Variants in CECR2 observed in about 807,000 individuals in gnomAD.
The protein encoded by CECR2 is chromatin remodeling regulator CECR2.
In CECR2, 30 loss-of-function variants were observed where a neutral mutation model predicts 154.5. The ratio of observed to expected loss-of-function variants is 0.19; its 90% CI spans 0.15 to 0.26. CECR2 has a LOEUF of 0.26. Among genes scored for constraint, CECR2 ranks in the 10% least tolerant of loss-of-function variants. The pLI, the probability that CECR2 is intolerant of heterozygous loss-of-function variation, is 1.00. For missense variants in CECR2, 1,743 were observed against 1,829.3 expected (o/e 0.95, Z 0.86); for synonymous variants, 725 against 683.7 (o/e 1.06, Z -0.94).
chr22:17,372,350 G>A lies in CECR2; in HGVS notation c.126+2441G>A, dbSNP rs73391759. ...AGAATTTTATTGGGAATGATTATAT[G>A]TGAGATTTAAAAATTAAGATTTAAG... On this transcript the variant is annotated intron_variant, in intron 1 of 18. Transcript: ENST00000262608. 3.6e-3 allele frequency among the ~76,000 whole-genome samples: 554 copies of A among 152,248 alleles called. 4 individuals carry two copies. Among genetic ancestry groups the A allele is most frequent in the African/African-American group, 0.013 (527 of 41,530 alleles).
rs372166419 is a variant in CECR2, at chr22:17,511,828, C to G, written c.886C>G (p.Arg296Gly). The change falls in exon 8 of 19, where the codon CGC becomes GGC. Residue 296 changes from arginine (R) to glycine (G), a missense_variant. Transcript: ENST00000262608. Reference protein sequence around the residue: ...MIAQKGKRPQRTKAELHPRWM... With the variant: ...MIAQKGKRPQGTKAELHPRWM... ...CTAACTATAGGGAAAACGTCCACAG[C>G]GCACAAAGGCAGAGTTGCATCCTAG... 1 of 1,612,288 alleles carries G rather than the reference C, an allele frequency of 6.2e-7. No individual in the cohort carries two copies. Among genetic ancestry groups the G allele is most frequent in the South Asian group, 1.1e-5 (1 of 90,726 alleles).
At chr22:17,369,326 C>G (rs1969882006), upstream of CECR2, 1 of 151,480 alleles carries the variant, frequency 6.6e-6, no homozygotes, top group East Asian at 2.0e-4. Flanking sequence ...CCCTCCCCCT[C>G]CCTGGCGGTG....
chr22:17,457,488 A>G (rs540164530), intron 1 of CECR2, among the ~76,000 whole-genome samples: 2 of 152,192 alleles, frequency 1.3e-5, no homozygotes, highest in African/African-American at 2.4e-5. Context: ...TTTTTGAGCT[A>G]TAGCCTATTT....
intron 1 of CECR2, among the ~76,000 whole-genome samples, chr22:17,371,631 G>T (rs1195775949): frequency 2.0e-5 from 3 of 152,160 alleles, no homozygotes; most frequent in Non-Finnish European, 4.4e-5. Context: ...AGTCAAAATG[G>T]TGGCTGTGGT....
At chr22:17,409,656 T>G (rs2054037246) in intron 1 of CECR2, among the ~76,000 whole-genome samples, 1 of 112,470 alleles carries the variant, frequency 8.9e-6, no homozygotes, top group Non-Finnish European at 2.1e-5. Flanking sequence ...CCCAACCCAG[T>G]CAATCTCTGT....
intron 8 of CECR2, among the ~76,000 whole-genome samples, chr22:17,523,013 A>AGGGG (rs2056185375): frequency 0.012 from 1,439 of 118,032 alleles, 24 homozygotes; most frequent in African/African-American, 0.034. Context: ...TCGGGGGGAA[A>AGGGG]AAAAAAAGCC....
chr22:17,387,711 A>G (rs867168944), intron 1 of CECR2, among the ~76,000 whole-genome samples: 10 of 152,186 alleles, frequency 6.6e-5, no homozygotes, highest in South Asian at 2.1e-4. Flanking sequence ...ACAGTGTTAT[A>G]TAACAGAATG....
intron 1 of CECR2, chr22:17,419,707 G>GGCTGTTTCCT (rs2146597029): frequency 1.6e-5 from 3 of 188,000 alleles, no homozygotes; most frequent in Non-Finnish European, 1.0e-5. Flanking sequence ...GCGAGCTGGA[G>GGCTGTTTCCT]CTAGAGAGCT....
intron 15 of CECR2, 52 bp from the exon 16 acceptor site, chr22:17,542,105 A>C: frequency 6.3e-7 from 1 of 1,582,354 alleles, no homozygotes; most frequent in South Asian, 1.1e-5. Flanking sequence ...CATGGCACAA[A>C]GTGTGCCTTA....
intron 1 of CECR2, among the ~76,000 whole-genome samples, chr22:17,421,866 A>G (rs1436465224): frequency 3.5e-5 from 5 of 140,880 alleles, no homozygotes; most frequent in Non-Finnish European, 7.5e-5. Flanking sequence ...AAAAAACAAA[A>G]AAAACTTTTT....
At position 17,524,442 on chromosome 22, in the gene CECR2, G is replaced by A. The variant is rs1221139471; in HGVS notation, c.1108+171G>A. 5 of 713,754 alleles carry A rather than the reference G, an allele frequency of 7.0e-6. No homozygotes were observed. The Admixed American group carries it at 1.3e-4, about 19-fold the overall frequency. The allele number at this position is 713,754 out of a possible 1,614,324, so 44.2% of individuals were successfully genotyped here. ...GAGTCTCGCTGTGTCGCCCAGGCTG[G>A]AGTGCAGTGGCGTGATCTCAGCTCA... On this transcript the variant is annotated intron_variant, in intron 9 of 18. Transcript: ENST00000262608.
Position 17,457,309 on chromosome 22 carries a change from G to C in CECR2, c.127-20279G>C, listed in dbSNP as rs141310063. On this transcript the variant is annotated intron_variant, in intron 1 of 18. Transcript: ENST00000262608. ...CCCAAAGTACTGGGATTACAGGCGTGAGCCACTGCGCCTGGCCTATATTTA... is the reference window on the plus strand; with the variant it reads ...CCCAAAGTACTGGGATTACAGGCGTCAGCCACTGCGCCTGGCCTATATTTA... 3.4e-3 allele frequency among the ~76,000 whole-genome samples: 524 copies of C among 152,310 alleles called. 4 individuals are homozygous for C. The highest frequency in any genetic ancestry group is 0.012 in the African/African-American group (499 of 41,558).
At chr22:17,475,347 G>T (rs1318224330) in intron 1 of CECR2, among the ~76,000 whole-genome samples, 1 of 152,116 alleles carries the variant, frequency 6.6e-6, no homozygotes, top group Non-Finnish European at 1.5e-5. Flanking sequence ...TTGGTTTTGG[G>T]AAGAACACTG....
chr22:17,512,811 C>CCA (rs2055983345), intron 8 of CECR2, among the ~76,000 whole-genome samples: 1 of 151,790 alleles, frequency 6.6e-6, no homozygotes, highest in South Asian at 2.1e-4. Context: ...TGAAAAGGGT[C>CCA]CAGGAATGAG....
intron 2 of CECR2, among the ~76,000 whole-genome samples, chr22:17,492,563 C>T (rs1165159145): frequency 6.6e-6 from 1 of 152,122 alleles, no homozygotes; most frequent in Non-Finnish European, 1.5e-5. Flanking sequence ...CTTATTTTCA[C>T]TCTTTCTTGC....
rs73375094 is a variant in CECR2 at position 17,435,164 on chromosome 22, G to T, written c.127-42424G>T. On this transcript the variant is annotated intron_variant, in intron 1 of 18. Coordinates refer to ENST00000262608, the MANE Select transcript of CECR2 (RefSeq NM_001290047.2). ...TTTTTCAAGCAAAGGGAGATACCCA[G>T]ATTTTTGTGTAAGCTCCTCCAAAGT... 2.0e-5 allele frequency among the ~76,000 whole-genome samples: 3 copies of T among 152,064 alleles called. 1 individual carries two copies. The South Asian group carries it at 6.2e-4, about 32-fold the overall frequency.
chr22:17,521,765 AT>A (rs2056163138), intron 8 of CECR2, among the ~76,000 whole-genome samples: 1 of 151,840 alleles, frequency 6.6e-6, no homozygotes, highest in Non-Finnish European at 1.5e-5. Flanking sequence ...ATTAGATCCC[AT>A]TTGTCTGTTT....
chr22:17,446,572 C>T lies in CECR2; in HGVS notation c.127-31016C>T, dbSNP rs557133999. Among the ~76,000 whole-genome samples the T allele has an allele frequency of 2.6e-5, 4 of 151,494 alleles. No homozygotes were observed. In the South Asian group the frequency reaches 8.4e-4, roughly 32 times the overall value. ...CTCTACTAAAAATACAAAAAATTAG[C>T]CGGGTGTGGTGGCGGGCGCCTGTAG... On this transcript the variant is annotated intron_variant, in intron 1 of 18. Transcript: ENST00000262608.
At chr22:17,505,189 A>G (rs956072029) in intron 7 of CECR2, among the ~76,000 whole-genome samples, 173 bp downstream of exon 7, 2 of 151,896 alleles carry the variant, frequency 1.3e-5, no homozygotes, top group African/African-American at 2.4e-5. Flanking sequence ...CCTCTCCTTC[A>G]CTGTGGGTCC....
Sources: gnomAD v4.1 joint callset for allele counts (sites outside exome capture counted in the v4.1 genomes callset) on GRCh38, gnomAD v4.1.1 for gene constraint, MANE v1.5 for transcripts, NCBI Gene and HGNC (gene_info 2026-07-23, HGNC 2026-07-21) for gene names.